FBXO33: variants seen among roughly 807,000 people sequenced by gnomAD.
The protein encoded by FBXO33 is F-box protein 33, also known as F-box only protein 33.
A neutral mutation model predicts 46.3 loss-of-function variants in FBXO33; 22 were observed. That is an observed-to-expected ratio of 0.48 (90% CI 0.34 to 0.68). The LOEUF is 0.68. Among genes scored for constraint, FBXO33 ranks in the 30% least tolerant of loss-of-function variants. The pLI, the probability that FBXO33 is intolerant of heterozygous loss-of-function variation, is 0.01. For synonymous variants in FBXO33, 337 were observed against 291.3 expected, an observed-to-expected ratio of 1.16 and a Z score of -1.60; for missense variants, 692 against 708.8, an observed-to-expected ratio of 0.98 and a Z score of 0.27.
intron 1 of FBXO33, among the ~76,000 whole-genome samples, chr14:39,407,206 TGAACA>T (rs1451058049): frequency 1.3e-5 from 2 of 152,218 alleles, no homozygotes; most frequent in African/African-American, 2.4e-5. Context: ...AGGAATAAAC[TGAACA>T]GAAGTATCAG....
At chr14:39,410,798 T>C (rs1252117949) in intron 1 of FBXO33, among the ~76,000 whole-genome samples, 1 of 152,190 alleles carries the variant, frequency 6.6e-6, no homozygotes. Context: ...TCTAGATTAT[T>C]CAATTTGTTG....
intron 1 of FBXO33, among the ~76,000 whole-genome samples, chr14:39,425,488 A>T (rs1266711797): frequency 6.6e-6 from 1 of 152,264 alleles, no homozygotes; most frequent in African/African-American, 2.4e-5. Flanking sequence ...GCCATAAAAG[A>T]GATAATGACA....
At position 39,400,086 on chromosome 14, in the gene FBXO33, T is replaced by C. The variant is rs577414957; in HGVS notation, c.1397-299A>G. Among the ~76,000 whole-genome samples, 7 of 152,326 alleles carry C rather than the reference T, an allele frequency of 4.6e-5. No homozygotes were observed. The South Asian group carries it at 8.3e-4, about 18-fold the overall frequency. On this transcript the variant is annotated intron_variant, in intron 3 of 3. Transcript: ENST00000298097. ...CAGTAAAATAGACATTTAAAGTATA[T>C]ACAAATAAATTTTATAGCTTTGGGT... is the stretch of plus-strand genomic sequence containing the variant.
chr14:39,423,370 C>T (rs35459433), intron 1 of FBXO33, among the ~76,000 whole-genome samples: 40,387 of 152,012 alleles, frequency 0.27, 5,630 homozygotes, highest in East Asian at 0.51. Flanking sequence ...TTGGTTATTT[C>T]TACTAAAGCT....
chr14:39,411,519 TCC>T (rs150347950), intron 1 of FBXO33, among the ~76,000 whole-genome samples: 2 of 150,222 alleles, frequency 1.3e-5, no homozygotes, highest in Non-Finnish European at 3.0e-5. Context: ...TTATTTGACT[TCC>T]CCCCCCTTTT....
chr14:39,428,042 T>C (rs879523669), intron 1 of FBXO33, among the ~76,000 whole-genome samples: 1 of 152,066 alleles, frequency 6.6e-6, no homozygotes, highest in South Asian at 2.1e-4. Context: ...AAGACCCAAA[T>C]CTAAGTATTA....
intron 1 of FBXO33, among the ~76,000 whole-genome samples, chr14:39,410,301 T>C (rs1468641872): frequency 6.6e-6 from 1 of 152,232 alleles, no homozygotes; most frequent in Admixed American, 6.5e-5. Context: ...ATGGTCAAGA[T>C]TTTTATCCAT....
chr14:39,426,267 C>A (rs544319366), intron 1 of FBXO33, among the ~76,000 whole-genome samples: 1 of 151,768 alleles, frequency 6.6e-6, no homozygotes, highest in East Asian at 1.9e-4. Context: ...TTCCTTTTGT[C>A]TTACTACCCA....
intron 1 of FBXO33, among the ~76,000 whole-genome samples, chr14:39,424,110 A>G (rs1348159857): frequency 6.6e-6 from 1 of 152,224 alleles, no homozygotes; most frequent in Non-Finnish European, 1.5e-5. Context: ...TGCTGTCTCT[A>G]AAACATGCCA....
chr14:39,429,809 A>G (rs763837558), intron 1 of FBXO33, among the ~76,000 whole-genome samples: 3 of 152,190 alleles, frequency 2.0e-5, no homozygotes, highest in Non-Finnish European at 2.9e-5. Context: ...CTTATAGAGA[A>G]GCAGATTGGG....
At chr14:39,409,281 T>A (rs1202858666) in intron 1 of FBXO33, among the ~76,000 whole-genome samples, 3 of 152,176 alleles carry the variant, frequency 2.0e-5, no homozygotes, top group Non-Finnish European at 2.9e-5. Context: ...TACGATAGGA[T>A]CCAATTTCCT....
At chr14:39,404,527 C>T (rs572038189) in intron 1 of FBXO33, among the ~76,000 whole-genome samples, 6 of 152,084 alleles carry the variant, frequency 3.9e-5, no homozygotes, top group Non-Finnish European at 5.9e-5. Flanking sequence ...GGGGTTTCAC[C>T]GTGTTAGCCA....
At chr14:39,414,836 A>G (rs1490423041) in intron 1 of FBXO33, among the ~76,000 whole-genome samples, 1 of 151,970 alleles carries the variant, frequency 6.6e-6, no homozygotes, top group Non-Finnish European at 1.5e-5. Context: ...TAATTTTAAA[A>G]TATTTTGTAG....
At chr14:39,426,051 C>T (rs1482574453) in intron 1 of FBXO33, among the ~76,000 whole-genome samples, 9 of 151,928 alleles carry the variant, frequency 5.9e-5, no homozygotes, top group East Asian at 1.9e-4. Context: ...CCCCAAATCC[C>T]GAAGGTTACA....
intron 1 of FBXO33, among the ~76,000 whole-genome samples, chr14:39,409,843 T>A (rs143260971): frequency 6.6e-6 from 1 of 152,352 alleles, no homozygotes. Context: ...GGGATTTTCT[T>A]AATTTCCCGT....
In FBXO33 at chr14:39,401,495, A is replaced by G. The variant is rs779256618; in HGVS notation, c.1077T>C (p.His359=). ...KSLDNMPNDE[H]WKALSRKSTS... is the part of the protein sequence containing the mutation. Reference sequence around the variant, plus strand: ...TGCTCTTTCGTGACAGGGCTTTCCAATGCTCATCATTTGGCATGTTGTCCA... The same window carrying G: ...TGCTCTTTCGTGACAGGGCTTTCCAGTGCTCATCATTTGGCATGTTGTCCA... Residue 359 remains histidine, a synonymous_variant, in exon 3 of 4, where the codon CAT becomes CAC. Coordinates refer to ENST00000298097, the MANE Select transcript of FBXO33 (RefSeq NM_203301.4). 19 of 1,614,060 alleles carry G rather than the reference A, an allele frequency of 1.2e-5. No individual in the cohort carries two copies. In the South Asian group the frequency reaches 1.9e-4, roughly 16 times the overall value.
intron 1 of FBXO33, among the ~76,000 whole-genome samples, chr14:39,409,393 T>C (rs1388927604): frequency 5.3e-5 from 8 of 152,176 alleles, no homozygotes; most frequent in Admixed American, 5.2e-4. Flanking sequence ...TAATCATAAA[T>C]GAGTGGGTTT....
At chr14:39,423,867 G>A (rs2075497680) in intron 1 of FBXO33, among the ~76,000 whole-genome samples, 1 of 152,088 alleles carries the variant, frequency 6.6e-6, no homozygotes, top group Non-Finnish European at 1.5e-5. Flanking sequence ...AGGTTACAAA[G>A]GTATATTGTG....
rs746414224 is a variant in FBXO33, at chr14:39,401,511, A to C, written c.1061T>G (p.Met354Arg). ...VSVMHKSLDN[M>R]PNDEHWKALS... is the part of the protein sequence containing the mutation. The stretch of plus-strand genomic sequence containing the variant: ...GGCTTTCCAATGCTCATCATTTGGC[A>C]TGTTGTCCAGAGACTTGTGCATTAC... Residue 354 changes from methionine (M) to arginine (R), a missense_variant, in exon 3 of 4, where the codon ATG becomes AGG. Transcript: ENST00000298097. The C allele has an allele frequency of 2.5e-6, 4 of 1,614,210 alleles. No homozygotes were observed. Among genetic ancestry groups the C allele is most frequent in the Admixed American group, 3.3e-5 (2 of 60,022 alleles).
Sources: allele counts gnomAD v4.1 joint callset (sites outside exome capture counted in the v4.1 genomes callset), GRCh38; gene constraint gnomAD v4.1.1; transcripts MANE v1.5; gene names NCBI Gene and HGNC (gene_info 2026-07-23, HGNC 2026-07-21).